ITGAX: variants seen among roughly 807,000 people sequenced by gnomAD.
ITGAX encodes the protein integrin subunit alpha X, also known as integrin alpha-X.
In ITGAX, 99 loss-of-function variants were observed where a neutral mutation model predicts 140.2. The ratio of observed to expected loss-of-function variants is 0.71; its 90% CI spans 0.60 to 0.83. The LOEUF is 0.83. Among genes scored for constraint, ITGAX ranks in the 40% least tolerant of loss-of-function variants. The pLI, the probability that ITGAX is intolerant of heterozygous loss-of-function variation, is 0.00. For synonymous variants in ITGAX, 631 were observed against 600.4 expected, an observed-to-expected ratio of 1.05 and a Z score of -0.75; for missense variants, 1,444 against 1,482.0, an observed-to-expected ratio of 0.97 and a Z score of 0.42.
Position 31,371,069 on chromosome 16 carries a change from C to G in ITGAX, c.1711-15C>G. 6.2e-7 allele frequency: 1 copy of G among 1,613,822 alleles called. No individual in the cohort carries two copies. ...CTACTTTCCATCTTGATTCACCCTT[C>G]TCTCCTCTGGCCAGCGGATCGCGGG... is the stretch of plus-strand genomic sequence containing the variant. On this transcript the variant is annotated splice_polypyrimidine_tract_variant and intron_variant, in intron 14 of 29. Transcript: ENST00000268296.
Position 31,382,128 on chromosome 16 carries a change from A to C in ITGAX, c.*221A>C. The C allele has an allele frequency of 7.1e-7, 1 of 1,415,520 alleles. No individual in the cohort carries two copies. The highest frequency in any genetic ancestry group is 9.2e-7 in the Non-Finnish European group (1 of 1,091,458). 87.7% of individuals were successfully genotyped at this position (1,415,520 alleles called of 1,614,324 possible). On this transcript the variant is annotated 3_prime_UTR_variant, in exon 30 of 30. Coordinates refer to ENST00000268296, the MANE Select transcript of ITGAX (RefSeq NM_000887.5). ...GACAGGGTCCCTGCTGTGTTCCCCA[A>C]AGGACTTGACTTGCAATTTCTACCT...
At chr16:31,377,302 C>A (rs751625351) in intron 23 of ITGAX, 37 bp downstream of exon 23, 5 of 1,445,702 alleles carry the variant, frequency 3.5e-6, no homozygotes, top group African/African-American at 1.6e-5. Context: ...AAGGGTTCTT[C>A]TCTCTGACCT....
At chr16:31,378,478 T>A (rs974865210) in intron 23 of ITGAX, among the ~76,000 whole-genome samples, 17 of 152,118 alleles carry the variant, frequency 1.1e-4, no homozygotes, top group Non-Finnish European at 2.4e-4. Flanking sequence ...TCATTTTTTT[T>A]TTTTTAAAGC....
chr16:31,372,695 C>A, intron 19 of ITGAX, 25 bp downstream of exon 19: 1 of 1,601,058 alleles, frequency 6.2e-7, no homozygotes, highest in Non-Finnish European at 8.6e-7. Flanking sequence ...CTTAGACCTG[C>A]CCTACTGCCC....
chr16:31,382,421 A>G lies in ITGAX; in HGVS notation c.*514A>G. On this transcript the variant is annotated 3_prime_UTR_variant, in exon 30 of 30. Transcript: ENST00000268296. ...CCACCTCGCCCGGCCCGATCTTTCT[A>G]AAATACAGTTCTGAATATGCTGCTC... The G allele has an allele frequency of 6.5e-7, 1 of 1,534,508 alleles. No individual in the cohort carries two copies. Among genetic ancestry groups the G allele is most frequent in the Non-Finnish European group, 8.7e-7 (1 of 1,145,758 alleles).
intron 3 of ITGAX, 119 bp from the exon 4 acceptor site, chr16:31,356,912 C>G: frequency 2.1e-6 from 2 of 964,834 alleles, no homozygotes; most frequent in South Asian, 3.0e-5. Flanking sequence ...TGTCAAGACC[C>G]GACAGCTTCC....
rs747648239 is a variant in ITGAX at position 31,363,012 on chromosome 16, G to T, written c.1437G>T (p.Gly479=). ...GCAGCACCGACCTGGTCCTCATCGG[G>T]GCCCCCCATTACTACGAGCAGACCC... The part of the protein sequence containing the change: ...SDGSTDLVLI[G]APHYYEQTRG... Residue 479 remains glycine, a synonymous_variant, in exon 13 of 30, where the codon GGG becomes GGT. Coordinates refer to ENST00000268296, the MANE Select transcript of ITGAX (RefSeq NM_000887.5). The T allele has an allele frequency of 5.6e-6, 9 of 1,612,072 alleles. No individual in the cohort carries two copies. The highest frequency in any genetic ancestry group is 7.6e-6 in the Non-Finnish European group (9 of 1,179,872).
rs2081077159 is a variant in ITGAX at position 31,382,319 on chromosome 16, C to T, written c.*412C>T. On this transcript the variant is annotated 3_prime_UTR_variant, in exon 30 of 30. Transcript: ENST00000268296. Reference sequence around the variant, plus strand: ...GGAGTGCAATGGCGTGATCTCGGCTCACTGCAACCTCCGCCTCCCGGGTTC... The same window carrying T: ...GGAGTGCAATGGCGTGATCTCGGCTTACTGCAACCTCCGCCTCCCGGGTTC... 5.4e-6 allele frequency: 6 copies of T among 1,120,810 alleles called. No individual in the cohort carries two copies. The highest frequency in any genetic ancestry group is 1.4e-5 in the South Asian group (1 of 70,336). The allele number at this position is 1,120,810 out of a possible 1,614,324, so 69.4% of individuals were successfully genotyped here. A position where few individuals can be genotyped will look rare whatever the true frequency, so the allele number is the denominator to read the frequency against.
chr16:31,380,731 G>C, intron 28 of ITGAX, 107 bp downstream of exon 28: 2 of 1,423,288 alleles, frequency 1.4e-6, no homozygotes, highest in Middle Eastern at 1.8e-4. Context: ...GAGGGCGAAG[G>C]CCTCTGGGCA....
rs377459367 is a variant in ITGAX, at chr16:31,362,253, G to A, written c.1216+49G>A. 1.2e-5 allele frequency: 20 copies of A among 1,611,768 alleles called. No individual in the cohort carries two copies. In the African/African-American group the frequency reaches 2.5e-4, roughly 20 times the overall value. ...GACAGGTGGGAGATGCACTGCCCAG[G>A]GTGGGGTCCAGGGTTCTGGGGAAGG... On this transcript the variant is annotated intron_variant, in intron 11 of 29. Transcript: ENST00000268296.
At chr16:31,381,495 G>C (rs2081068378) in intron 29 of ITGAX, among the ~76,000 whole-genome samples, 1 of 152,064 alleles carries the variant, frequency 6.6e-6, no homozygotes, top group Admixed American at 6.6e-5. Flanking sequence ...GGAGTTAAGA[G>C]ACCAGCCTGG....
At chr16:31,367,409 G>T (rs2080902781) in intron 14 of ITGAX, among the ~76,000 whole-genome samples, 1 of 152,200 alleles carries the variant, frequency 6.6e-6, no homozygotes, top group African/African-American at 2.4e-5. Context: ...AGCTTCAAAG[G>T]ACAAGTTGAC....
intron 17 of ITGAX, among the ~76,000 whole-genome samples, chr16:31,372,171 G>C (rs9935957): frequency 1.8e-4 from 27 of 151,744 alleles, no homozygotes; most frequent in East Asian, 9.7e-4. Flanking sequence ...GGTCTGGGGG[G>C]GGGGAGGAAA....
At chr16:31,367,483 T>G (rs1345280362) in intron 14 of ITGAX, among the ~76,000 whole-genome samples, 1 of 152,210 alleles carries the variant, frequency 6.6e-6, no homozygotes, top group South Asian at 2.1e-4. Flanking sequence ...CATTTACCAT[T>G]TGGAAAATTC....
At chr16:31,360,796 G>A (rs968927456) in intron 8 of ITGAX, 15 of 519,784 alleles carry the variant, frequency 2.9e-5, no homozygotes, top group Admixed American at 7.5e-5. Context: ...GATTACAGGC[G>A]TGAACCACCG....
Position 31,372,371 on chromosome 16 carries a change from C to A in ITGAX, c.2161-7C>A, listed in dbSNP as rs746881069. On this transcript the variant is annotated splice_region_variant and splice_polypyrimidine_tract_variant and intron_variant, in intron 17 of 29. Transcript: ENST00000268296. ...ACCCTCCGCTCCCCGCGACGCCCGT[C>A]CCCCAGAGCTGCGTGGAGGACTCTG... 15 of 1,592,516 alleles carry A rather than the reference C, an allele frequency of 9.4e-6. No homozygotes were observed. Among genetic ancestry groups the A allele is most frequent in the South Asian group, 3.4e-5 (3 of 88,092 alleles).
At position 31,382,644 on chromosome 16, in the gene ITGAX, C is replaced by T; in HGVS notation, c.*737C>T. 1.6e-6 allele frequency: 1 copy of T among 633,830 alleles called. No homozygotes were observed. Among genetic ancestry groups the T allele is most frequent in the South Asian group, 1.7e-5 (1 of 59,436 alleles). 39.3% of individuals were successfully genotyped at this position (633,830 alleles called of 1,614,324 possible). A position where few individuals can be genotyped will look rare whatever the true frequency, so the allele number is the denominator to read the frequency against. Reference sequence around the variant, plus strand: ...CAGCTCAGGGCTTCATCGTGGGGCTCTCAGTTCCGATTTCCCAGGCTGAAT... The same window carrying T: ...CAGCTCAGGGCTTCATCGTGGGGCTTTCAGTTCCGATTTCCCAGGCTGAAT... On this transcript the variant is annotated 3_prime_UTR_variant, in exon 30 of 30. Transcript: ENST00000268296.
chr16:31,362,611 G>C lies in ITGAX; in HGVS notation c.1217G>C (p.Gly406Ala), dbSNP rs751129952. The change falls in exon 12 of 30, where the codon GGT (glycine) becomes GCT (alanine). Residue 406 changes from glycine (G) to alanine (A), a missense_variant and splice_region_variant. Gly to Ala is a moderately conservative substitution (Grantham distance 60). Transcript: ENST00000268296. Reference sequence around the variant, plus strand: ...TTGTGCTGAGGCCTGGGCCCCTCAGGTTACTCCACCGAGCTGGCCCTCTGG... The same window carrying C: ...TTGTGCTGAGGCCTGGGCCCCTCAGCTTACTCCACCGAGCTGGCCCTCTGG... Reference protein sequence around the residue: ...ENVDMRDSYLGYSTELALWKG... With the variant: ...ENVDMRDSYLAYSTELALWKG... 16 of 1,610,706 alleles carry C rather than the reference G, an allele frequency of 9.9e-6. No individual in the cohort carries two copies. The highest frequency in any genetic ancestry group is 3.3e-5 in the South Asian group (3 of 90,864).
At chr16:31,369,821 T>C (rs978920511) in intron 14 of ITGAX, among the ~76,000 whole-genome samples, 1 of 152,144 alleles carries the variant, frequency 6.6e-6, no homozygotes, top group African/African-American at 2.4e-5. Flanking sequence ...AATCTCATCA[T>C]GTCACTCAGG....
Sources: gnomAD v4.1 joint callset for allele counts (sites outside exome capture counted in the v4.1 genomes callset) on GRCh38, gnomAD v4.1.1 for gene constraint, MANE v1.5 for transcripts, NCBI Gene and HGNC (gene_info 2026-07-23, HGNC 2026-07-21) for gene names.